The following MTCL1 variants were observed in gnomAD, a reference collection of about 807,000 sequenced individuals.
MTCL1 encodes the protein microtubule crosslinking factor 1.
In MTCL1, 79 loss-of-function variants were observed where a neutral mutation model predicts 141.4. That is an observed-to-expected ratio of 0.56 (90% CI 0.47 to 0.67). MTCL1 has a LOEUF of 0.67. Among genes scored for constraint, MTCL1 ranks in the 30% least tolerant of loss-of-function variants. The pLI is 0.00. For synonymous variants in MTCL1, 914 were observed against 875.8 expected (o/e 1.04, Z -0.77); for missense variants, 2,177 against 2,113.9 (o/e 1.03, Z -0.59).
exon 7 of MTCL1, chr18:8,786,058 C>G (rs762293612): frequency 1.3e-6 from 2 of 1,593,430 alleles, no homozygotes; most frequent in Non-Finnish European, 1.7e-6. Context: ...CCGGGAGCCA[C>G]GGGCTGGGAG....
intron 4 of MTCL1, among the ~76,000 whole-genome samples, chr18:8,769,059 T>C (rs916652929): frequency 3.3e-5 from 5 of 152,148 alleles, no homozygotes; most frequent in Non-Finnish European, 5.9e-5. Context: ...CCTCCCAAAG[T>C]GCGGGGAATA....
chr18:8,788,290 C>T (rs2075591285), intron 7 of MTCL1, among the ~76,000 whole-genome samples: 2 of 152,182 alleles, frequency 1.3e-5, no homozygotes, highest in Non-Finnish European at 2.9e-5. Flanking sequence ...GGATTTTGCC[C>T]TCAGGCCAAC....
chr18:8,801,290 A>G (rs1180393208), intron 10 of MTCL1, among the ~76,000 whole-genome samples: 1 of 148,994 alleles, frequency 6.7e-6, no homozygotes. Context: ...GAGGCCTCAC[A>G]TCAGAACTGT....
intron 4 of MTCL1, among the ~76,000 whole-genome samples, chr18:8,765,009 G>C (rs1226837591): frequency 6.6e-6 from 1 of 152,210 alleles, no homozygotes; most frequent in Non-Finnish European, 1.5e-5. Context: ...ATGTAGGTAT[G>C]TGACTAGGGC....
chr18:8,799,456 G>C (rs1186060751), intron 10 of MTCL1, among the ~76,000 whole-genome samples: 1 of 152,170 alleles, frequency 6.6e-6, no homozygotes, highest in Non-Finnish European at 1.5e-5. Context: ...ACTTGCAAAG[G>C]AACTTTTATT....
At chr18:8,747,397 C>T (rs554365601) in intron 4 of MTCL1, among the ~76,000 whole-genome samples, 5 of 148,798 alleles carry the variant, frequency 3.4e-5, no homozygotes, top group East Asian at 4.0e-4. Context: ...CTGCAGGGCA[C>T]GCTGTCTGGA....
rs558481675 is a variant in MTCL1, at chr18:8,754,971, T to C, written c.358-22862T>C. On this transcript the variant is annotated intron_variant, in intron 4 of 16. Transcript: ENST00000359865. Reference sequence around the variant, plus strand: ...AGAGCCCCTGATGTGAGCAGCCTGGTGCGTTTGGTCCTGCAGGGGTTATCT... The same window carrying C: ...AGAGCCCCTGATGTGAGCAGCCTGGCGCGTTTGGTCCTGCAGGGGTTATCT... Among the ~76,000 whole-genome samples, 114 of 152,356 alleles carry C rather than the reference T, an allele frequency of 7.5e-4. 1 individual carries two copies. Among genetic ancestry groups the C allele is most frequent in the African/African-American group, 2.6e-3 (110 of 41,586 alleles).
intron 1 of MTCL1, among the ~76,000 whole-genome samples, chr18:8,710,205 A>T (rs1036453253): frequency 1.3e-5 from 2 of 152,216 alleles, no homozygotes; most frequent in African/African-American, 4.8e-5. Flanking sequence ...GTGCTGTAAC[A>T]GAGCAAATTT....
intron 4 of MTCL1, among the ~76,000 whole-genome samples, chr18:8,765,680 T>A (rs1337722965): frequency 1.3e-5 from 2 of 152,224 alleles, no homozygotes; most frequent in African/African-American, 4.8e-5. Flanking sequence ...AGCTTCTCTC[T>A]TCTCTTTTGG....
At chr18:8,813,043 TGAA>T (rs1325111489) in exon 12 of MTCL1, 2 of 1,614,028 alleles carry the variant, frequency 1.2e-6, no homozygotes, top group South Asian at 1.1e-5. Context: ...AAGGGGGCCT[TGAA>T]GAAGGAGAGA....
At chr18:8,802,490 A>G (rs531252843) in intron 10 of MTCL1, among the ~76,000 whole-genome samples, 2 of 152,332 alleles carry the variant, frequency 1.3e-5, no homozygotes, top group African/African-American at 2.4e-5. Context: ...GGCAAGAACA[A>G]TTTTGAAAAT....
chr18:8,774,254 A>ATGTGTGTGTG (rs138724389), intron 4 of MTCL1, among the ~76,000 whole-genome samples: 11,566 of 150,018 alleles, frequency 0.077, 521 homozygotes, highest in African/African-American at 0.11. Flanking sequence ...CTCTTTTCGA[A>ATGTGTGTGTG]TGTGTGTGTG....
At chr18:8,807,200 C>A in intron 11 of MTCL1, 140 bp downstream of exon 10, 1 of 923,778 alleles carries the variant, frequency 1.1e-6, no homozygotes, top group Non-Finnish European at 1.6e-6. Context: ...CTGCTTGTGT[C>A]TCTTCTTAAA....
At chr18:8,732,821 G>C (rs1480875666) in intron 4 of MTCL1, among the ~76,000 whole-genome samples, 1 of 152,184 alleles carries the variant, frequency 6.6e-6, no homozygotes, top group African/African-American at 2.4e-5. Flanking sequence ...AAGAATGTTG[G>C]GGGTGGGGGC....
At chr18:8,825,066 G>C (rs775736544) in exon 15 of MTCL1, 1 of 1,612,426 alleles carries the variant, frequency 6.2e-7, no homozygotes, top group Non-Finnish European at 8.5e-7. Flanking sequence ...CGTCCTCACC[G>C]AGCAGTCGGG....
chr18:8,706,668 G>A (rs1355378250), exon 1 of MTCL1: 19 of 1,546,426 alleles, frequency 1.2e-5, no homozygotes, highest in Non-Finnish European at 1.7e-5. Context: ...AAGAAGAGCT[G>A]CTGCGGGAGA....
At chr18:8,821,742 G>T (rs1355633139) in intron 14 of MTCL1, among the ~76,000 whole-genome samples, 1 of 152,162 alleles carries the variant, frequency 6.6e-6, no homozygotes, top group Non-Finnish European at 1.5e-5. Flanking sequence ...TCCAGTTGTT[G>T]TTGTGTTATG....
At chr18:8,712,839 G>T (rs781444498), upstream of MTCL1, among the ~76,000 whole-genome samples, 2 of 152,168 alleles carry the variant, frequency 1.3e-5, no homozygotes, top group Non-Finnish European at 2.9e-5. Flanking sequence ...CCAGAAGATA[G>T]AATTATTGCA....
At chr18:8,734,469 CATT>C (rs1391532267) in intron 4 of MTCL1, among the ~76,000 whole-genome samples, 1 of 152,060 alleles carries the variant, frequency 6.6e-6, no homozygotes, top group African/African-American at 2.4e-5. Context: ...CAGCTTGGCT[CATT>C]ATGTATTTTC....
Sources: allele counts gnomAD v4.1 joint callset (sites outside exome capture counted in the v4.1 genomes callset), GRCh38; gene constraint gnomAD v4.1.1; transcripts MANE v1.5; gene names NCBI Gene and HGNC (gene_info 2026-07-23, HGNC 2026-07-21).